The following CAST variants were observed in gnomAD, a reference collection of about 807,000 sequenced individuals.
CAST encodes the protein MIR583 host.
CAST carries 76 observed loss-of-function variants against 119.6 expected under a neutral mutation model. The observed-to-expected ratio is 0.64, with a 90% CI of 0.53 to 0.77. The LOEUF is 0.77. Among genes scored for constraint, CAST ranks in the 30% least tolerant of loss-of-function variants. The pLI is 0.00. For missense variants in CAST, 953 were observed against 946.5 expected (o/e 1.01, Z -0.09); for synonymous variants, 319 against 331.6 (o/e 0.96, Z 0.41).
the CAST span, among the ~76,000 whole-genome samples, chr5:96,145,868 G>C: frequency 2.0e-5 from 3 of 152,098 alleles, no homozygotes; most frequent in Non-Finnish European, 4.4e-5. Flanking sequence ...ACTGGCCCAG[G>C]GCATGTAAGA....
chr5:96,469,623 C>G, the CAST span, among the ~76,000 whole-genome samples: 1 of 151,756 alleles, frequency 6.6e-6, no homozygotes, highest in Non-Finnish European at 1.5e-5. Flanking sequence ...ATGGAGAAAA[C>G]AGAATGCATT....
the CAST span, among the ~76,000 whole-genome samples, chr5:96,510,815 A>G: frequency 6.6e-6 from 1 of 152,378 alleles, no homozygotes; most frequent in Non-Finnish European, 1.5e-5. Flanking sequence ...GATATTTGAT[A>G]TTAAATATTC....
the CAST span, among the ~76,000 whole-genome samples, chr5:96,063,056 T>C: frequency 2.6e-5 from 4 of 152,122 alleles, no homozygotes; most frequent in Admixed American, 2.6e-4. Flanking sequence ...AATCAGAATC[T>C]TGGTAGACTT....
At chr5:96,260,902 A>G in the CAST span, among the ~76,000 whole-genome samples, 1 of 152,224 alleles carries the variant, frequency 6.6e-6, no homozygotes, top group Non-Finnish European at 1.5e-5. Flanking sequence ...TGAATAATAT[A>G]TAAAACTTAT....
the CAST span, chr5:96,391,752 A>G: frequency 1.3e-5 from 2 of 152,238 alleles, no homozygotes; most frequent in Non-Finnish European, 1.5e-5. Flanking sequence ...AACTGTTGCC[A>G]TGAGCAAAGA....
chr5:96,116,380 T>C, the CAST span, among the ~76,000 whole-genome samples: 1 of 152,236 alleles, frequency 6.6e-6, no homozygotes, highest in African/African-American at 2.4e-5. Context: ...TTTCCAGTAT[T>C]TGGCAATTAT....
chr5:95,972,479 G>A, the CAST span, among the ~76,000 whole-genome samples: 1 of 151,760 alleles, frequency 6.6e-6, no homozygotes, highest in Non-Finnish European at 1.5e-5. Context: ...CTAATGACTA[G>A]TAATATAGAC....
upstream of CAST, among the ~76,000 whole-genome samples, chr5:96,523,054 CTT>C (rs1745542592): frequency 6.6e-6 from 1 of 152,260 alleles, no homozygotes; most frequent in South Asian, 2.1e-4. Flanking sequence ...AGAGGAATGA[CTT>C]TTGCTGTCCA....
chr5:96,076,513 A>G, the CAST span, among the ~76,000 whole-genome samples: 1 of 152,212 alleles, frequency 6.6e-6, no homozygotes. Flanking sequence ...GTAAATAAAA[A>G]ACAATGCTTA....
At chr5:96,619,773 TCA>T (rs1747559810) in intron 1 of CAST, among the ~76,000 whole-genome samples, 1 of 150,868 alleles carries the variant, frequency 6.6e-6, no homozygotes, top group Admixed American at 6.6e-5. Flanking sequence ...GTCCGTGGCT[TCA>T]TTCCTGAAGT....
At chr5:96,055,906 A>C in the CAST span, among the ~76,000 whole-genome samples, 2 of 152,164 alleles carry the variant, frequency 1.3e-5, no homozygotes, top group African/African-American at 4.8e-5. Flanking sequence ...TATCACACAA[A>C]TCATCTGACA....
At chr5:95,974,693 T>C in the CAST span, among the ~76,000 whole-genome samples, 1 of 152,218 alleles carries the variant, frequency 6.6e-6, no homozygotes, top group African/African-American at 2.4e-5. Flanking sequence ...CTGAAGCCAG[T>C]TTCATCCTTT....
chr5:96,317,652 G>A, the CAST span, among the ~76,000 whole-genome samples: 2 of 152,022 alleles, frequency 1.3e-5, no homozygotes, highest in Non-Finnish European at 2.9e-5. Context: ...CCAAGGAAGT[G>A]CAAAGCTTTT....
At position 96,740,761 on chromosome 5, in the gene CAST, C is replaced by T. The variant is rs1373044275; in HGVS notation, c.896C>T (p.Thr299Ile). 6.3e-7 allele frequency: 1 copy of T among 1,599,418 alleles called. No homozygotes were observed. Among genetic ancestry groups the T allele is most frequent in the South Asian group, 1.1e-5 (1 of 90,808 alleles). Residue 299 changes from threonine to isoleucine, a missense_variant, in exon 13 of 32, where the codon ACA becomes ATA. By Grantham distance (89) the Thr-to-Ile change is moderately conservative. Coordinates refer to ENST00000675179, the MANE Select transcript of CAST (RefSeq NM_001750.7). ...TTGTTTCAGAAAAAGGAAGGGATCA[C>T]AGGGCCTCCTGCAGACTCTTCGGTG... ...RELLAKKEGITGPPADSSKPI... is the reference protein window; with the variant it reads ...RELLAKKEGIIGPPADSSKPI...
intron 3 of CAST, among the ~76,000 whole-genome samples, chr5:96,703,336 C>T (rs1754266138): frequency 6.6e-6 from 1 of 152,136 alleles, no homozygotes; most frequent in Admixed American, 6.5e-5. Flanking sequence ...TCCTCCCCAG[C>T]CGTGCCGCCA....
chr5:96,637,403 G>A (rs13170241), intron 1 of CAST, among the ~76,000 whole-genome samples: 4,388 of 152,270 alleles, frequency 0.029, 158 homozygotes, highest in African/African-American at 0.075. Flanking sequence ...TTTCTGGAAT[G>A]TGGCTTTCCA....
chr5:96,462,542 AAAT>A, the CAST span, among the ~76,000 whole-genome samples: 2 of 152,134 alleles, frequency 1.3e-5, no homozygotes, highest in Non-Finnish European at 2.9e-5. Flanking sequence ...GGCATACAGT[AAAT>A]AATCAATAAA....
At chr5:96,471,340 T>C in the CAST span, among the ~76,000 whole-genome samples, 1 of 152,152 alleles carries the variant, frequency 6.6e-6, no homozygotes, top group Admixed American at 6.6e-5. Context: ...AATCTTCAGC[T>C]AAAATTACAT....
At chr5:96,675,486 C>G (rs1264935161) in intron 1 of CAST, 53 bp from the exon 2 acceptor site, 1 of 1,275,734 alleles carries the variant, frequency 7.8e-7, no homozygotes, top group African/African-American at 1.5e-5. Flanking sequence ...ATTAAAGTTA[C>G]TGTCATCTGT....
Sources: gnomAD v4.1 joint callset for allele counts (sites outside exome capture counted in the v4.1 genomes callset) on GRCh38, gnomAD v4.1.1 for gene constraint, MANE v1.5 for transcripts, NCBI Gene and HGNC (gene_info 2026-07-23, HGNC 2026-07-21) for gene names.